The following STK32A variants were observed in gnomAD, a reference collection of about 807,000 sequenced individuals.
STK32A encodes the protein serine/threonine kinase 32A.
STK32A carries 41 observed loss-of-function variants against 53.2 expected under a neutral mutation model. The observed-to-expected ratio is 0.77, with a 90% CI of 0.60 to 1.00. The LOEUF (loss-of-function observed/expected upper bound fraction) is 1.00. Among genes scored for constraint, STK32A ranks in the 50% least tolerant of loss-of-function variants. The probability of loss-of-function intolerance (pLI) is 0.00; values close to 1 mark genes in which losing one functional copy is unlikely to be tolerated. For missense variants in STK32A, 458 were observed against 485.8 expected, an observed-to-expected ratio of 0.94 and a Z score of 0.54; for synonymous variants, 166 against 162.8, an observed-to-expected ratio of 1.02 and a Z score of -0.15.
At chr5:147,390,606 A>C (rs1466101358), downstream of STK32A, among the ~76,000 whole-genome samples, 1 of 152,146 alleles carries the variant, frequency 6.6e-6, no homozygotes, top group East Asian at 1.9e-4. Flanking sequence ...CTCATTCTCC[A>C]AAGTTTCAAA....
intron 5 of STK32A, among the ~76,000 whole-genome samples, chr5:147,325,601 T>A (rs1206500151): frequency 6.6e-6 from 1 of 152,236 alleles, no homozygotes; most frequent in African/African-American, 2.4e-5. Context: ...TTATTTAATG[T>A]TCCTTCTTTG....
intron 7 of STK32A, among the ~76,000 whole-genome samples, chr5:147,360,558 TC>T (rs1224966232): frequency 6.6e-6 from 1 of 151,796 alleles, no homozygotes; most frequent in Non-Finnish European, 1.5e-5. Context: ...TTTCTCAGGC[TC>T]TGCCAACTTG....
intron 6 of STK32A, among the ~76,000 whole-genome samples, chr5:147,346,124 C>G (rs1015409779): frequency 6.6e-6 from 1 of 152,152 alleles, no homozygotes; most frequent in Admixed American, 6.5e-5. Context: ...TCCTGTTGTT[C>G]ACCTCTCCCC....
intron 9 of STK32A, among the ~76,000 whole-genome samples, chr5:147,371,111 C>G (rs954603772): frequency 6.6e-6 from 1 of 152,092 alleles, no homozygotes; most frequent in African/African-American, 2.4e-5. Flanking sequence ...AATTCATCAC[C>G]AGGTTCTGAA....
rs553663265 is a variant in STK32A at position 147,387,660 on chromosome 5, C to T, written c.*3677C>T. Reference sequence around the variant, plus strand: ...GTTTCCTGCTATCTGTCTGTGATTCCTGTTTATTACAAATTCAGTGTGTCT... The same window carrying T: ...GTTTCCTGCTATCTGTCTGTGATTCTTGTTTATTACAAATTCAGTGTGTCT... On this transcript the variant is annotated 3_prime_UTR_variant, in exon 13 of 13. Coordinates refer to ENST00000397936, the MANE Select transcript of STK32A (RefSeq NM_001112724.2). 1 of 152,296 alleles carries T rather than the reference C, an allele frequency of 6.6e-6. No homozygotes were observed. The highest frequency in any genetic ancestry group is 2.1e-4 in the South Asian group (1 of 4,820). 9.4% of individuals were successfully genotyped at this position (152,296 alleles called of 1,614,324 possible).
chr5:147,293,152 G>A (rs988380599), intron 4 of STK32A, among the ~76,000 whole-genome samples: 5 of 152,086 alleles, frequency 3.3e-5, no homozygotes, highest in African/African-American at 9.7e-5. Context: ...ATAATTGTCT[G>A]TAGATGACAA....
chr5:147,284,696 C>CAAAAA (rs869167577), intron 4 of STK32A, among the ~76,000 whole-genome samples: 42 of 51,502 alleles, frequency 8.2e-4, no homozygotes, highest in Middle Eastern at 9.1e-3. Flanking sequence ...CAAGACAAAA[C>CAAAAA]AAAAAAACAA....
chr5:147,386,983 C>T lies in STK32A; in HGVS notation c.*3000C>T, dbSNP rs988391805. ...ATGTCTCTTCCGGAGTTGTGACAAC[C>T]GAGGCTCAGAGCTGTGATTTTTAGA... On this transcript the variant is annotated 3_prime_UTR_variant, in exon 13 of 13. Coordinates refer to ENST00000397936, the MANE Select transcript of STK32A (RefSeq NM_001112724.2). The T allele has an allele frequency of 2.6e-5, 4 of 152,138 alleles. No homozygotes were observed. Among genetic ancestry groups the T allele is most frequent in the East Asian group, 1.9e-4 (1 of 5,200 alleles). 9.4% of individuals were successfully genotyped at this position (152,138 alleles called of 1,614,324 possible).
intron 2 of STK32A, among the ~76,000 whole-genome samples, chr5:147,271,116 A>G (rs13189899): frequency 0.65 from 99,301 of 151,762 alleles, 32,884 homozygotes; most frequent in African/African-American, 0.75. Context: ...AGGAAGTCAG[A>G]GACCCCAAAC....
chr5:147,239,834 T>C (rs1363823059), intron 2 of STK32A, 148 bp downstream of exon 2: 3 of 624,712 alleles, frequency 4.8e-6, no homozygotes, highest in Non-Finnish European at 5.6e-6. Context: ...GAGGACTTTG[T>C]AGGCTCATAG....
At chr5:147,273,102 G>T (rs1472970566) in intron 2 of STK32A, among the ~76,000 whole-genome samples, 2 of 152,186 alleles carry the variant, frequency 1.3e-5, no homozygotes, top group Non-Finnish European at 2.9e-5. Flanking sequence ...GCATCAGGGT[G>T]TTATAACAGA....
At chr5:147,364,638 G>A (rs938880507) in intron 8 of STK32A, among the ~76,000 whole-genome samples, 9 of 152,140 alleles carry the variant, frequency 5.9e-5, no homozygotes, top group African/African-American at 2.2e-4. Flanking sequence ...TGCCATCATG[G>A]TTGGGTTCTG....
intron 2 of STK32A, among the ~76,000 whole-genome samples, chr5:147,245,442 C>T (rs2151939940): frequency 6.6e-6 from 1 of 152,210 alleles, no homozygotes; most frequent in Non-Finnish European, 1.5e-5. Context: ...TTTTCTCTAT[C>T]TGAATGCACT....
chr5:147,245,673 AGAC>A (rs2151940047), intron 2 of STK32A, among the ~76,000 whole-genome samples: 1 of 152,352 alleles, frequency 6.6e-6, no homozygotes, highest in South Asian at 2.1e-4. Context: ...TTAAATCAAG[AGAC>A]AGCCTTCTTC....
At chr5:147,236,712 C>A (rs550531596) in intron 1 of STK32A, among the ~76,000 whole-genome samples, 2 of 152,274 alleles carry the variant, frequency 1.3e-5, no homozygotes, top group East Asian at 3.9e-4. Context: ...TATCTTCCCA[C>A]TAAAAATCAC....
downstream of STK32A, among the ~76,000 whole-genome samples, chr5:147,389,892 C>G (rs1429222774): frequency 1.3e-5 from 2 of 152,044 alleles, no homozygotes; most frequent in African/African-American, 4.8e-5. Flanking sequence ...AAAAAAAGAG[C>G]TTTCCTAAGA....
chr5:147,385,171 C>T lies in STK32A; in HGVS notation c.*1188C>T, dbSNP rs934835929. The T allele has an allele frequency of 2.0e-5, 3 of 152,096 alleles. No individual in the cohort carries two copies. The highest frequency in any genetic ancestry group is 7.2e-5 in the African/African-American group (3 of 41,388). 9.4% of individuals were successfully genotyped at this position (152,096 alleles called of 1,614,324 possible). A position where few individuals can be genotyped will look rare whatever the true frequency, so the allele number is the denominator to read the frequency against. ...TTTTTTTTCTTTTCAGGCAGAGTCTCACTCTGTCACCCAGGCTGGAGTGCA... is the reference window on the plus strand; with the variant it reads ...TTTTTTTTCTTTTCAGGCAGAGTCTTACTCTGTCACCCAGGCTGGAGTGCA... On this transcript the variant is annotated 3_prime_UTR_variant, in exon 13 of 13. Coordinates refer to ENST00000397936, the MANE Select transcript of STK32A (RefSeq NM_001112724.2).
chr5:147,292,802 G>A (rs912919026), intron 4 of STK32A, among the ~76,000 whole-genome samples: 10 of 151,968 alleles, frequency 6.6e-5, no homozygotes, highest in African/African-American at 2.4e-4. Flanking sequence ...TGGAGGTTGT[G>A]TTGAGCTGAG....
At chr5:147,323,144 G>A (rs905142107) in intron 4 of STK32A, among the ~76,000 whole-genome samples, 4 of 152,264 alleles carry the variant, frequency 2.6e-5, no homozygotes, top group East Asian at 1.9e-4. Context: ...GCATTTCCTC[G>A]TGTGAATGGG....
Sources: gnomAD v4.1 joint callset for allele counts (sites outside exome capture counted in the v4.1 genomes callset) on GRCh38, gnomAD v4.1.1 for gene constraint, MANE v1.5 for transcripts, NCBI Gene and HGNC (gene_info 2026-07-23, HGNC 2026-07-21) for gene names.